The following FHOD3 variants were observed in gnomAD, a reference collection of about 807,000 sequenced individuals.
FHOD3 encodes FH1/FH2 domain-containing protein 3.
Under a neutral mutation model 173.0 loss-of-function variants are expected in FHOD3, and 90 were observed. The observed-to-expected ratio is 0.52, with a 90% CI of 0.44 to 0.62. The LOEUF (loss-of-function observed/expected upper bound fraction) is 0.62. Among genes scored for constraint, FHOD3 ranks in the 20% least tolerant of loss-of-function variants. The pLI, the probability that FHOD3 is intolerant of heterozygous loss-of-function variation, is 0.00. For synonymous variants in FHOD3, 828 were observed against 823.0 expected, an observed-to-expected ratio of 1.01 and a Z score of -0.10; for missense variants, 1,945 against 2,034.7, an observed-to-expected ratio of 0.96 and a Z score of 0.85.
At chr18:36,573,068 GTGGTAAGAAAGGA>G (rs554389854) in intron 5 of FHOD3, among the ~76,000 whole-genome samples, 137 of 152,036 alleles carry the variant, frequency 9.0e-4, no homozygotes, top group African/African-American at 3.2e-3. Context: ...GGGGGTGGTG[GTGGTAAGAAAGGA>G]TGCACTAGTA....
chr18:36,529,885 G>A (rs17651163), intron 5 of FHOD3, among the ~76,000 whole-genome samples: 59,827 of 152,042 alleles, frequency 0.39, 12,953 homozygotes, highest in Non-Finnish European at 0.49. Context: ...CCATCGTTCA[G>A]CATCGAAAGT....
intron 9 of FHOD3, among the ~76,000 whole-genome samples, chr18:36,622,085 A>G (rs1568506763): frequency 6.6e-6 from 1 of 152,244 alleles, no homozygotes; most frequent in Non-Finnish European, 1.5e-5. Flanking sequence ...GCCCAGTCAC[A>G]GAAGGACAAA....
chr18:36,331,841 C>T (rs1048008211), intron 1 of FHOD3, among the ~76,000 whole-genome samples: 1 of 151,948 alleles, frequency 6.6e-6, no homozygotes, highest in Non-Finnish European at 1.5e-5. Flanking sequence ...GGAGTGCACA[C>T]GGATAGGAGG....
chr18:36,444,752 A>G (rs540845963), intron 3 of FHOD3, among the ~76,000 whole-genome samples: 28 of 152,162 alleles, frequency 1.8e-4, no homozygotes, highest in African/African-American at 5.5e-4. Flanking sequence ...ATCACTTCAT[A>G]TAAGTTCAGA....
At chr18:36,304,679 T>C (rs1319330338) in intron 1 of FHOD3, among the ~76,000 whole-genome samples, 1 of 152,174 alleles carries the variant, frequency 6.6e-6, no homozygotes, top group Non-Finnish European at 1.5e-5. Context: ...CTTTCTAGGC[T>C]CAATCAATTC....
intron 18 of FHOD3, among the ~76,000 whole-genome samples, chr18:36,716,908 A>ATGTGTGTGTGTGTGTGTG (rs1345159982): frequency 3.7e-5 from 5 of 135,254 alleles, no homozygotes; most frequent in African/African-American, 1.6e-4. Context: ...GAAATTATAT[A>ATGTGTGTGTGTGTGTGTG]TGTGTATGTG....
At chr18:36,728,245 G>T (rs932368905) in intron 19 of FHOD3, among the ~76,000 whole-genome samples, 2 of 152,226 alleles carry the variant, frequency 1.3e-5, no homozygotes, top group Non-Finnish European at 2.9e-5. Context: ...GCCCAGCAGT[G>T]CCCGGAGAAG....
At chr18:36,462,783 T>G (rs2052636874) in intron 3 of FHOD3, among the ~76,000 whole-genome samples, 1 of 152,188 alleles carries the variant, frequency 6.6e-6, no homozygotes, top group South Asian at 2.1e-4. Context: ...TGCCACTATT[T>G]GCAGCTAATT....
At chr18:36,445,953 C>T (rs1031198305) in intron 3 of FHOD3, among the ~76,000 whole-genome samples, 13 of 152,306 alleles carry the variant, frequency 8.5e-5, no homozygotes, top group African/African-American at 3.1e-4. Context: ...CTCCAGGATT[C>T]TCCAGGGTTT....
chr18:36,650,103 A>T (rs973046087), intron 11 of FHOD3, among the ~76,000 whole-genome samples: 1 of 152,240 alleles, frequency 6.6e-6, no homozygotes, highest in Non-Finnish European at 1.5e-5. Context: ...ATAAAACAGT[A>T]AAAATTGCTC....
intron 25 of FHOD3, among the ~76,000 whole-genome samples, chr18:36,756,652 CAGA>C (rs2042646215): frequency 6.6e-6 from 1 of 152,216 alleles, no homozygotes. Flanking sequence ...CATGGAAGGC[CAGA>C]CACATTAACT....
At position 36,671,891 on chromosome 18, in the gene FHOD3, C is replaced by T. The variant is rs376898032; in HGVS notation, c.1836-9545C>T. ...GTTCATTCACAAAACAGTGAAGGAA[C>T]GAACCAATCATTTGTGACGATGTGC... On this transcript the variant is annotated intron_variant, in intron 14 of 28. Coordinates refer to ENST00000590592, the MANE Select transcript of FHOD3 (RefSeq NM_001281740.3). Among the ~76,000 whole-genome samples, 65 of 152,234 alleles carry T rather than the reference C, an allele frequency of 4.3e-4. 1 individual carries two copies. The highest frequency in any genetic ancestry group is 3.4e-4 in the African/African-American group (14 of 41,548).
intron 2 of FHOD3, among the ~76,000 whole-genome samples, chr18:36,362,851 C>T (rs916173274): frequency 2.0e-5 from 3 of 152,158 alleles, no homozygotes; most frequent in East Asian, 1.9e-4. Context: ...GATATTAAGA[C>T]AATGAAAAGA....
chr18:36,311,249 C>T (rs1293896861), intron 1 of FHOD3, among the ~76,000 whole-genome samples: 1 of 152,120 alleles, frequency 6.6e-6, no homozygotes, highest in Non-Finnish European at 1.5e-5. Context: ...TAGTCCCAGC[C>T]ACTGCTAATT....
chr18:36,375,550 A>G (rs2047398964), intron 3 of FHOD3, among the ~76,000 whole-genome samples: 1 of 152,206 alleles, frequency 6.6e-6, no homozygotes, highest in South Asian at 2.1e-4. Flanking sequence ...TATTAAGTAG[A>G]GGAATGTTTA....
intron 5 of FHOD3, among the ~76,000 whole-genome samples, chr18:36,520,382 C>T (rs146655058): frequency 1.3e-5 from 2 of 152,294 alleles, no homozygotes; most frequent in East Asian, 3.9e-4. Context: ...CTAGGTAGCC[C>T]TGGCAAACAT....
At chr18:36,641,551 C>T (rs1555790602) in intron 10 of FHOD3, among the ~76,000 whole-genome samples, 1 of 152,192 alleles carries the variant, frequency 6.6e-6, no homozygotes, top group Non-Finnish European at 1.5e-5. Flanking sequence ...GGGTTGAATA[C>T]TTCCTGCTAC....
At chr18:36,627,240 C>A (rs959863207) in intron 10 of FHOD3, among the ~76,000 whole-genome samples, 1 of 152,186 alleles carries the variant, frequency 6.6e-6, no homozygotes, top group South Asian at 2.1e-4. Context: ...AAATTGTACA[C>A]AATCCTCTGA....
At chr18:36,654,721 A>G (rs1359832292) in intron 13 of FHOD3, among the ~76,000 whole-genome samples, 2 of 152,206 alleles carry the variant, frequency 1.3e-5, no homozygotes, top group Admixed American at 1.3e-4. Flanking sequence ...CTGGATAAAT[A>G]AAGCTCCGTC....
Sources: gnomAD v4.1 joint callset for allele counts (sites outside exome capture counted in the v4.1 genomes callset) on GRCh38, gnomAD v4.1.1 for gene constraint, MANE v1.5 for transcripts, NCBI Gene and HGNC (gene_info 2026-07-23, HGNC 2026-07-21) for gene names.